The following ETFA variants were observed in gnomAD, a reference collection of about 807,000 sequenced individuals.
ETFA encodes electron transfer flavoprotein subunit alpha, also known as electron transfer flavoprotein subunit alpha, mitochondrial.
Under a neutral mutation model 46.2 loss-of-function variants are expected in ETFA, and 22 were observed. The observed-to-expected ratio is 0.48, with a 90% CI of 0.34 to 0.68. ETFA has a LOEUF of 0.68. Ranked by LOEUF, ETFA falls within the 30% of genes least tolerant of loss-of-function variation. The pLI is 0.01. For synonymous variants in ETFA, 131 were observed against 139.9 expected (o/e 0.94, Z 0.45); for missense variants, 345 against 401.1 (o/e 0.86, Z 1.19).
chr15:76,259,367 GAGATCATAC>G (rs1473467698), intron 9 of ETFA: 5 of 1,581,998 alleles, frequency 3.2e-6, no homozygotes, highest in Admixed American at 3.3e-5. Flanking sequence ...ACTGGTACAT[GAGATCATAC>G]AAAAGGTCGT....
At chr15:76,255,945 C>T (rs1484022471) in intron 9 of ETFA, among the ~76,000 whole-genome samples, 1 of 151,384 alleles carries the variant, frequency 6.6e-6, no homozygotes, top group Non-Finnish European at 1.5e-5. Context: ...CACCTAAGGT[C>T]CTTGATAAAG....
At chr15:76,234,626 A>G (rs1444824666) in intron 9 of ETFA, among the ~76,000 whole-genome samples, 1 of 152,178 alleles carries the variant, frequency 6.6e-6, no homozygotes, top group Non-Finnish European at 1.5e-5. Context: ...AGAGTCCTAG[A>G]GATAGGCCTC....
At chr15:76,220,623 A>G (rs1483676376) in intron 11 of ETFA, among the ~76,000 whole-genome samples, 1 of 152,254 alleles carries the variant, frequency 6.6e-6, no homozygotes, top group East Asian at 1.9e-4. Flanking sequence ...AAGAACACTA[A>G]CAACTCAAGA....
chr15:76,285,960 T>C (rs2039701353), intron 6 of ETFA, among the ~76,000 whole-genome samples: 2 of 152,352 alleles, frequency 1.3e-5, no homozygotes, highest in South Asian at 4.1e-4. Flanking sequence ...AATCATTCAA[T>C]TCTCTGAGTC....
intron 7 of ETFA, chr15:76,284,490 AT>A (rs958168393): frequency 1.5e-5 from 3 of 201,464 alleles, no homozygotes; most frequent in African/African-American, 4.8e-5. Flanking sequence ...ATTTTTATTT[AT>A]TTATTTATTT....
intron 9 of ETFA, chr15:76,245,332 C>G (rs2039233842): frequency 6.6e-6 from 1 of 152,148 alleles, no homozygotes; most frequent in Admixed American, 6.5e-5. Flanking sequence ...CTATACCAAC[C>G]CCAAAGGAAC....
In ETFA at chr15:76,291,513, G is replaced by C. The variant is rs1218100836; in HGVS notation, c.351+918C>G. ...CGCCTGTAATCCCAGTACTTTGGGG[G>C]GCCGAGGCGGGCGGATCACGAGGTC... On this transcript the variant is annotated intron_variant, in intron 4 of 11. Coordinates refer to ENST00000557943, the MANE Select transcript of ETFA (RefSeq NM_000126.4). Among the ~76,000 whole-genome samples, 4 of 151,530 alleles carry C rather than the reference G, an allele frequency of 2.6e-5. No individual in the cohort carries two copies. In the East Asian group the frequency reaches 5.8e-4, roughly 22 times the overall value.
At chr15:76,264,733 A>AT (rs1304259558) in intron 9 of ETFA, among the ~76,000 whole-genome samples, 7 of 152,366 alleles carry the variant, frequency 4.6e-5, no homozygotes, top group African/African-American at 1.7e-4. Context: ...GGTAACTTAC[A>AT]TAAGGCTACT....
intron 9 of ETFA, among the ~76,000 whole-genome samples, chr15:76,241,499 G>A (rs2039187810): frequency 6.6e-6 from 1 of 150,872 alleles, no homozygotes; most frequent in South Asian, 2.1e-4. Flanking sequence ...GTGAGACCCT[G>A]TCTCAAAAAA....
intron 9 of ETFA, among the ~76,000 whole-genome samples, chr15:76,263,230 C>T (rs2039435392): frequency 6.6e-6 from 1 of 152,178 alleles, no homozygotes; most frequent in Non-Finnish European, 1.5e-5. Context: ...AGCGTTGGCC[C>T]CCTGGTCCCA....
intron 9 of ETFA, chr15:76,259,548 C>T: frequency 9.7e-7 from 1 of 1,031,578 alleles, no homozygotes; most frequent in East Asian, 2.4e-5. Context: ...CATGATCTCC[C>T]ACATGGTCAC....
At chr15:76,247,359 G>A (rs1173186863) in intron 9 of ETFA, among the ~76,000 whole-genome samples, 1 of 152,134 alleles carries the variant, frequency 6.6e-6, no homozygotes, top group African/African-American at 2.4e-5. Flanking sequence ...AGGAACACAA[G>A]GAGACATACA....
At position 76,260,048 on chromosome 15, in the gene ETFA, C is replaced by A. The variant is rs1026225762; in HGVS notation, c.816+14364G>T. 4.7e-6 allele frequency: 7 copies of A among 1,483,388 alleles called. No individual in the cohort carries two copies. In the East Asian group the frequency reaches 6.8e-5, roughly 14 times the overall value. The allele number at this position is 1,483,388 out of a possible 1,614,324, so 91.9% of individuals were successfully genotyped here. On this transcript the variant is annotated intron_variant, in intron 9 of 11. Coordinates refer to ENST00000557943, the MANE Select transcript of ETFA (RefSeq NM_000126.4). Reference sequence around the variant, plus strand: ...ATGTCACTTGAGGCAATGAGATCAGCTTTCAGCATCTTCATAGCCACTTTC... The same window carrying A: ...ATGTCACTTGAGGCAATGAGATCAGATTTCAGCATCTTCATAGCCACTTTC...
chr15:76,259,843 C>G, intron 9 of ETFA: 1 of 1,510,974 alleles, frequency 6.6e-7, no homozygotes, highest in Non-Finnish European at 9.2e-7. Flanking sequence ...TCTCCCCAAG[C>G]CAGGAGGTGA....
intron 9 of ETFA, chr15:76,261,680 C>T (rs551626118): frequency 6.7e-5 from 23 of 344,962 alleles, no homozygotes; most frequent in Non-Finnish European, 1.2e-4. Context: ...CATGCTGTGC[C>T]TCAGCACCAT....
At chr15:76,268,117 C>A (rs1389240118) in intron 9 of ETFA, among the ~76,000 whole-genome samples, 1 of 150,130 alleles carries the variant, frequency 6.7e-6, no homozygotes, top group East Asian at 2.0e-4. Context: ...AACTTTTACC[C>A]CGCAGTAATT....
At position 76,240,181 on chromosome 15, in the gene ETFA, A is replaced by C. The variant is rs559452588; in HGVS notation, c.817-8783T>G. Among the ~76,000 whole-genome samples, 12 of 152,386 alleles carry C rather than the reference A, an allele frequency of 7.9e-5. No homozygotes were observed. The East Asian group carries it at 2.3e-3, about 29-fold the overall frequency. On this transcript the variant is annotated intron_variant, in intron 9 of 11. Coordinates refer to ENST00000557943, the MANE Select transcript of ETFA (RefSeq NM_000126.4). ...GGTTCCAAATAACTGCTAAAGGGAA[A>C]TGTCTAGAGGCAAAGCCAGAAAATG...
At chr15:76,257,259 T>C (rs1171321627) in intron 9 of ETFA, among the ~76,000 whole-genome samples, 6 of 152,124 alleles carry the variant, frequency 3.9e-5, no homozygotes, top group Admixed American at 1.3e-4. Context: ...GAAAAGGCTG[T>C]CCAGTTAGAG....
rs191390770 is a variant in ETFA, at chr15:76,267,141, C to T, written c.816+7271G>A. ...AAAAATTCAGCAAGCACAAGTAGAA[C>T]GAATTAATCTGATACAGCCATTACA... On this transcript the variant is annotated intron_variant, in intron 9 of 11. Coordinates refer to ENST00000557943, the MANE Select transcript of ETFA (RefSeq NM_000126.4). 4.6e-5 allele frequency among the ~76,000 whole-genome samples: 7 copies of T among 152,294 alleles called. No homozygotes were observed. The South Asian group carries it at 8.3e-4, about 18-fold the overall frequency.
Sources: allele counts gnomAD v4.1 joint callset (sites outside exome capture counted in the v4.1 genomes callset), GRCh38; gene constraint gnomAD v4.1.1; transcripts MANE v1.5; gene names NCBI Gene and HGNC (gene_info 2026-07-23, HGNC 2026-07-21).